DTNB: variants seen among roughly 807,000 people sequenced by gnomAD.
DTNB encodes the protein dystrobrevin beta.
Under a neutral mutation model 90.7 loss-of-function variants are expected in DTNB, and 63 were observed. The observed-to-expected ratio is 0.69, with a 90% CI of 0.57 to 0.86. DTNB has a LOEUF of 0.86. DTNB is among the 40% of genes least tolerant of loss of function. DTNB has a pLI of 0.00. For synonymous variants in DTNB, 277 were observed against 286.7 expected (o/e 0.97, Z 0.34); for missense variants, 744 against 807.1 (o/e 0.92, Z 0.95).
chr2:25,482,066 T>C (rs1441052407), intron 10 of DTNB, among the ~76,000 whole-genome samples: 1 of 152,230 alleles, frequency 6.6e-6, no homozygotes, highest in Non-Finnish European at 1.5e-5. Context: ...TCTTTGTGGT[T>C]TTCTTGTTTC....
intron 9 of DTNB, among the ~76,000 whole-genome samples, chr2:25,525,297 G>A (rs1329746891): frequency 6.6e-6 from 1 of 152,140 alleles, no homozygotes. Context: ...GATTAGATGA[G>A]GAAGAGGGAC....
intron 5 of DTNB, among the ~76,000 whole-genome samples, chr2:25,605,085 A>T (rs2066811808): frequency 6.6e-6 from 1 of 152,264 alleles, no homozygotes; most frequent in South Asian, 2.1e-4. Context: ...AAGATTAAAA[A>T]GTAGAGATAG....
intron 9 of DTNB, among the ~76,000 whole-genome samples, chr2:25,500,728 C>T (rs1558780986): frequency 6.9e-6 from 1 of 144,408 alleles, no homozygotes; most frequent in Non-Finnish European, 1.5e-5. Context: ...CCTCCTGTGC[C>T]AAAAAAAAAA....
intron 8 of DTNB, among the ~76,000 whole-genome samples, chr2:25,566,506 G>C (rs2059063871): frequency 1.3e-5 from 2 of 152,186 alleles, no homozygotes; most frequent in African/African-American, 4.8e-5. Flanking sequence ...AAAACAGTAA[G>C]CACAAGTCCT....
chr2:25,603,478 A>G (rs992827697), intron 5 of DTNB, among the ~76,000 whole-genome samples: 1 of 152,242 alleles, frequency 6.6e-6, no homozygotes, highest in African/African-American at 2.4e-5. Context: ...ACCTGGAGAC[A>G]GAAACTCTCT....
At chr2:25,444,803 C>T (rs768002736) in intron 12 of DTNB, among the ~76,000 whole-genome samples, 1 of 152,128 alleles carries the variant, frequency 6.6e-6, no homozygotes, top group African/African-American at 2.4e-5. Flanking sequence ...TAAATTCTTT[C>T]GAGCACTACA....
chr2:25,648,405 A>G (rs2080010079), intron 2 of DTNB, among the ~76,000 whole-genome samples: 1 of 151,362 alleles, frequency 6.6e-6, no homozygotes, highest in African/African-American at 2.4e-5. Flanking sequence ...TGTAAAAACT[A>G]CTGTCTAAAA....
At chr2:25,615,876 C>CTA (rs2070283242) in intron 4 of DTNB, among the ~76,000 whole-genome samples, 1 of 152,156 alleles carries the variant, frequency 6.6e-6, no homozygotes, top group African/African-American at 2.4e-5. Flanking sequence ...AATAAAGATA[C>CTA]TATTCAGATG....
At chr2:25,583,788 G>A (rs1385792709) in intron 6 of DTNB, among the ~76,000 whole-genome samples, 1 of 151,810 alleles carries the variant, frequency 6.6e-6, no homozygotes, top group Non-Finnish European at 1.5e-5. Flanking sequence ...CAAAGTGCTG[G>A]GATTACAGGC....
chr2:25,472,330 A>C (rs942033930), intron 10 of DTNB, among the ~76,000 whole-genome samples: 2 of 152,226 alleles, frequency 1.3e-5, no homozygotes, highest in African/African-American at 4.8e-5. Context: ...AAGAGAGAAC[A>C]AAGGTGAAAA....
chr2:25,539,237 T>C (rs955082540), intron 8 of DTNB, among the ~76,000 whole-genome samples: 6 of 152,228 alleles, frequency 3.9e-5, no homozygotes, highest in Non-Finnish European at 7.3e-5. Context: ...TTAGTGGCCA[T>C]GTATAAGAAT....
chr2:25,434,567 T>C (rs948307853), intron 12 of DTNB, among the ~76,000 whole-genome samples: 5 of 152,122 alleles, frequency 3.3e-5, no homozygotes, highest in Admixed American at 1.3e-4. Flanking sequence ...CCTGGCCTAG[T>C]AGTCCCTTCT....
chr2:25,406,851 C>T (rs1036789616), intron 16 of DTNB, among the ~76,000 whole-genome samples: 3 of 152,088 alleles, frequency 2.0e-5, no homozygotes, highest in South Asian at 4.1e-4. Flanking sequence ...AATAGACTGC[C>T]GTATCTTCTG....
chr2:25,410,761 T>C (rs1277806991), intron 16 of DTNB, among the ~76,000 whole-genome samples: 1 of 152,136 alleles, frequency 6.6e-6, no homozygotes, highest in African/African-American at 2.4e-5. Flanking sequence ...TAGCTTCATG[T>C]TCCTGGAATG....
At chr2:25,518,390 A>G (rs146155171) in intron 9 of DTNB, among the ~76,000 whole-genome samples, 397 of 152,210 alleles carry the variant, frequency 2.6e-3, no homozygotes, top group African/African-American at 8.9e-3. Flanking sequence ...CCCTCCTTGG[A>G]CTAAAGCTTG....
chr2:25,541,089 T>G (rs1461506123), intron 8 of DTNB, among the ~76,000 whole-genome samples: 1 of 151,552 alleles, frequency 6.6e-6, no homozygotes. Context: ...TATAGAATAT[T>G]CATGGTATAG....
chr2:25,494,201 C>G (rs562913052), intron 9 of DTNB, among the ~76,000 whole-genome samples: 1 of 152,080 alleles, frequency 6.6e-6, no homozygotes, highest in South Asian at 2.1e-4. Context: ...TTCTATTTTG[C>G]AAATAAAGAA....
intron 6 of DTNB, among the ~76,000 whole-genome samples, 178 bp downstream of exon 6, chr2:25,595,908 G>GT (rs2064514926): frequency 1.8e-5 from 2 of 110,264 alleles, no homozygotes; most frequent in African/African-American, 7.6e-5. Flanking sequence ...CCCCGTAAGA[G>GT]TTTTCAGGTG....
At chr2:25,663,046 A>G (rs968391796) in intron 1 of DTNB, among the ~76,000 whole-genome samples, 2 of 151,814 alleles carry the variant, frequency 1.3e-5, no homozygotes, top group African/African-American at 4.8e-5. Context: ...ATTTGTCCTA[A>G]TGCTCTCCCT....
Sources: gnomAD v4.1 joint callset for allele counts (sites outside exome capture counted in the v4.1 genomes callset) on GRCh38, gnomAD v4.1.1 for gene constraint, MANE v1.5 for transcripts, NCBI Gene and HGNC (gene_info 2026-07-23, HGNC 2026-07-21) for gene names.